KLHL36: variants seen among roughly 807,000 people sequenced by gnomAD.
KLHL36 encodes the protein kelch like family member 36, also known as kelch-like protein 36.
A neutral mutation model predicts 53.3 loss-of-function variants in KLHL36; 35 were observed. The observed-to-expected ratio is 0.66, with a 90% CI of 0.50 to 0.87. The LOEUF is 0.87. Ranked by LOEUF, KLHL36 falls within the 40% of genes least tolerant of loss-of-function variation. The pLI is 0.00. For synonymous variants in KLHL36, 472 were observed against 398.9 expected (o/e 1.18, Z -2.18); for missense variants, 864 against 897.6 (o/e 0.96, Z 0.48).
At chr16:84,658,808 A>C (rs1408648826) in intron 3 of KLHL36, 1 of 151,748 alleles carries the variant, frequency 6.6e-6, no homozygotes, top group African/African-American at 2.4e-5. Flanking sequence ...TCAGCTCAAA[A>C]CCCAGTCAGA....
chr16:84,654,697 G>A (rs368824908), intron 2 of KLHL36, among the ~76,000 whole-genome samples: 20 of 152,200 alleles, frequency 1.3e-4, no homozygotes, highest in African/African-American at 4.8e-4. Context: ...TGCAACCTCC[G>A]CCTCCGGAGT....
At position 84,661,266 on chromosome 16, in the gene KLHL36, T is replaced by C. The variant is rs999975578; in HGVS notation, c.1296-312T>C. Among the ~76,000 whole-genome samples, 2 of 152,222 alleles carry C rather than the reference T, an allele frequency of 1.3e-5. No individual in the cohort carries two copies. Among genetic ancestry groups the C allele is most frequent in the Non-Finnish European group, 2.9e-5 (2 of 68,046 alleles). On this transcript the variant is annotated intron_variant, in intron 4 of 4. Transcript: ENST00000564996. This position sits in a 1 kb window ranked among gnomAD's most constrained non-coding sequence, Gnocchi z 7.9. ...CTGCTAGCTCATTGTTCTAGTCGTTTCCAGCCATTGTGAAAAGGGTGATGG... is the reference window on the plus strand; with the variant it reads ...CTGCTAGCTCATTGTTCTAGTCGTTCCCAGCCATTGTGAAAAGGGTGATGG...
In KLHL36 at chr16:84,657,855, G is replaced by A. The variant is rs763314913; in HGVS notation, c.1048G>A (p.Ala350Thr). The A allele has an allele frequency of 2.8e-5, 44 of 1,592,064 alleles. No homozygotes were observed. Among genetic ancestry groups the A allele is most frequent in the Non-Finnish European group, 3.5e-5 (41 of 1,166,626 alleles). The stretch of plus-strand genomic sequence containing the variant: ...GGTGCTGGGGGGCTTCATCTTCATC[G>A]CCGGCGGCAGCTTCTCACGGGACAA... The part of the protein sequence containing the change: ...VAVLGGFIFI[A>T]GGSFSRDNGG... Residue 350 changes from alanine (A) to threonine (T), a missense_variant, in exon 3 of 5, where the codon GCC (alanine) becomes ACC (threonine). Coordinates refer to ENST00000564996, the MANE Select transcript of KLHL36 (RefSeq NM_024731.4).
At position 84,658,125 on chromosome 16, in the gene KLHL36, C is replaced by T. The variant is rs79151254; in HGVS notation, c.1137+181C>T. The T allele has an allele frequency of 3.4e-3, 1,796 of 523,946 alleles. 8 individuals are homozygous for T. Among genetic ancestry groups the T allele is most frequent in the Non-Finnish European group, 5.5e-3 (1,656 of 303,262 alleles). 32.5% of individuals were successfully genotyped at this position (523,946 alleles called of 1,614,324 possible). A position where few individuals can be genotyped will look rare whatever the true frequency, so the allele number is the denominator to read the frequency against. ...ACATCCTGGACAGGGAGAGGGAGAG[C>T]CGACCCACCCCTTCGAGGGGTCCGT... is the stretch of plus-strand genomic sequence containing the variant. On this transcript the variant is annotated intron_variant, in intron 3 of 4. Transcript: ENST00000564996.
chr16:84,656,723 C>A, intron 2 of KLHL36, 148 bp from the exon 3 acceptor site: 1 of 631,848 alleles, frequency 1.6e-6, no homozygotes, highest in Non-Finnish European at 2.8e-6. Context: ...TCAGAAACAC[C>A]TGTACTTCCT....
intron 2 of KLHL36, among the ~76,000 whole-genome samples, chr16:84,654,801 G>C (rs1020378503): frequency 6.6e-6 from 1 of 152,068 alleles, no homozygotes; most frequent in Admixed American, 6.5e-5. Context: ...CTAGAGACGG[G>C]GTTTCACCAT....
In KLHL36 at chr16:84,661,776, C is replaced by T. The variant is rs775199720; in HGVS notation, c.1494C>T (p.Ile498=). 9 of 1,612,928 alleles carry T rather than the reference C, an allele frequency of 5.6e-6. No individual in the cohort carries two copies. Among genetic ancestry groups the T allele is most frequent in the African/African-American group, 1.3e-5 (1 of 75,014 alleles). Residue 498 remains isoleucine (I), a synonymous_variant, in exon 5 of 5, where the codon ATC becomes ATT. Coordinates refer to ENST00000564996, the MANE Select transcript of KLHL36 (RefSeq NM_024731.4). The surrounding 1 kb of genome is among the most constrained non-coding windows in gnomAD (Gnocchi z 7.9). ...GCCTGGGTGACAGCATCTACTCCAT[C>T]GGGGGCAGCGATGACAACATCGAGT... ...MCSLGDSIYS[I]GGSDDNIESM... is the part of the protein sequence containing the mutation.
At position 84,657,079 on chromosome 16, in the gene KLHL36, G is replaced by T; in HGVS notation, c.272G>T (p.Gly91Val). 6.2e-7 allele frequency: 1 copy of T among 1,614,198 alleles called. No homozygotes were observed. The highest frequency in any genetic ancestry group is 8.5e-7 in the Non-Finnish European group (1 of 1,180,036). The change falls in exon 3 of 5, where the codon GGC becomes GTC. Residue 91 changes from glycine (G) to valine (V), a missense_variant. Physicochemically the swap from Gly to Val is moderately radical, Grantham distance 109. Transcript: ENST00000564996. ...TTCCAGAAGGAGGTGGAGCTGATCG[G>T]CGCCTCCTACATTGGGCTCAAGGCC... ...EAFQKEVELI[G>V]ASYIGLKAVV...
chr16:84,649,806 T>G (rs1343045990), intron 1 of KLHL36, among the ~76,000 whole-genome samples: 1 of 152,208 alleles, frequency 6.6e-6, no homozygotes, highest in Non-Finnish European at 1.5e-5. Flanking sequence ...GTGAAGACTA[T>G]TTGTTCAATA....
chr16:84,661,624 A>G lies in KLHL36; in HGVS notation c.1342A>G (p.Ile448Val). 6.2e-7 allele frequency: 1 copy of G among 1,610,334 alleles called. No homozygotes were observed. Among genetic ancestry groups the G allele is most frequent in the Admixed American group, 1.7e-5 (1 of 59,484 alleles). ...CACCATCTACAAAGACTTCGTGTAC[A>G]TCTCGGGGGGCCACGACTACCAAAT... ...AGTIYKDFVY[I>V]SGGHDYQIGP... Residue 448 changes from isoleucine to valine, a missense_variant, in exon 5 of 5, where the codon ATC (isoleucine) becomes GTC (valine). Physicochemically the swap from Ile to Val is conservative, Grantham distance 29. Coordinates refer to ENST00000564996, the MANE Select transcript of KLHL36 (RefSeq NM_024731.4). This position sits in a 1 kb window ranked among gnomAD's most constrained non-coding sequence, Gnocchi z 7.9.
intron 1 of KLHL36, chr16:84,649,308 A>G (rs1402846932): frequency 6.6e-6 from 1 of 152,232 alleles, no homozygotes; most frequent in Non-Finnish European, 1.5e-5. Context: ...GGCCCCGCGA[A>G]CTCTCTCTAG....
At position 84,661,841 on chromosome 16, in the gene KLHL36, G is replaced by T. The variant is rs1169032813; in HGVS notation, c.1559G>T (p.Ser520Ile). 6 of 1,605,064 alleles carry T rather than the reference G, an allele frequency of 3.7e-6. No individual in the cohort carries two copies. Among genetic ancestry groups the T allele is most frequent in the Non-Finnish European group, 5.1e-6 (6 of 1,173,218 alleles). The change falls in exon 5 of 5, where the codon AGC (serine) becomes ATC (isoleucine). Residue 520 changes from serine to isoleucine, a missense_variant. Physicochemically the swap from Ser to Ile is moderately radical, Grantham distance 142. Transcript: ENST00000564996. This position sits in a 1 kb window ranked among gnomAD's most constrained non-coding sequence, Gnocchi z 7.9. Reference sequence around the variant, plus strand: ...GACGTGCTGGGCGTGGAGGCCTACAGCCCGCAGTGCAACCAGTGGACCCGC... The same window carrying T: ...GACGTGCTGGGCGTGGAGGCCTACATCCCGCAGTGCAACCAGTGGACCCGC... ...RFDVLGVEAY[S>I]PQCNQWTRVA... is the part of the protein sequence containing the mutation.
At chr16:84,653,615 G>A (rs1907030480) in intron 2 of KLHL36, among the ~76,000 whole-genome samples, 1 of 152,022 alleles carries the variant, frequency 6.6e-6, no homozygotes, top group African/African-American at 2.4e-5. Flanking sequence ...TGCCGGGAGT[G>A]GTGGCACCTG....
chr16:84,659,852 G>A lies in KLHL36; in HGVS notation c.1230G>A (p.Ala410=), dbSNP rs777956919. 3.1e-6 allele frequency: 5 copies of A among 1,613,992 alleles called. No homozygotes were observed. The highest frequency in any genetic ancestry group is 2.2e-5 in the East Asian group (1 of 44,886). ...TCGGCGGCCGGAATGAGAACGGAGC[G>A]CTCTCTTCAGTAGAGACGTACAGTC... ...VAIGGRNENG[A]LSSVETYSPK... The change falls in exon 4 of 5, where the codon GCG becomes GCA. Residue 410 remains alanine, a synonymous_variant. Transcript: ENST00000564996.
At position 84,665,286 on chromosome 16, in the gene KLHL36, G is replaced by C. The variant is rs1266251623; in HGVS notation, c.*3153G>C. On this transcript the variant is annotated 3_prime_UTR_variant, in exon 5 of 5. Coordinates refer to ENST00000564996, the MANE Select transcript of KLHL36 (RefSeq NM_024731.4). Reference sequence around the variant, plus strand: ...TAACATTTCAAAATAAGCATGGCAGGCTTCTATTGAGGTTTGGACTTCTCT... The same window carrying C: ...TAACATTTCAAAATAAGCATGGCAGCCTTCTATTGAGGTTTGGACTTCTCT... 1 of 151,804 alleles carries C rather than the reference G, an allele frequency of 6.6e-6. No individual in the cohort carries two copies. The highest frequency in any genetic ancestry group is 1.5e-5 in the Non-Finnish European group (1 of 67,982). The allele number at this position is 151,804 out of a possible 1,614,324, so 9.4% of individuals were successfully genotyped here.
chr16:84,656,876 C>A lies in KLHL36; in HGVS notation c.69C>A (p.Tyr23Ter). ...PYKISESSKV[Y>*]RWADHSSTVL... ...AATGTGTCTTCTCTGTCCAGGTATA[C>A]CGCTGGGCCGACCACTCAAGCACGG... The change falls in exon 3 of 5, where the codon TAC becomes TAA. Residue 23 changes from tyrosine (Y) to a stop codon, truncating the protein, a stop_gained. Coordinates refer to ENST00000564996, the MANE Select transcript of KLHL36 (RefSeq NM_024731.4). LOFTEE classifies it high-confidence loss of function. 6.2e-7 allele frequency: 1 copy of A among 1,606,320 alleles called. No homozygotes were observed. The highest frequency in any genetic ancestry group is 1.1e-5 in the South Asian group (1 of 90,742).
intron 2 of KLHL36, among the ~76,000 whole-genome samples, chr16:84,655,839 G>T (rs534927351): frequency 6.6e-6 from 1 of 152,130 alleles, no homozygotes; most frequent in South Asian, 2.1e-4. Flanking sequence ...CCCTGGAATA[G>T]ACCAGCTATC....
At chr16:84,656,759 A>G (rs1597218072) in intron 2 of KLHL36, 112 bp from the exon 3 acceptor site, 2 of 749,970 alleles carry the variant, frequency 2.7e-6, no homozygotes, top group East Asian at 4.9e-5. Flanking sequence ...GCAGCATTTT[A>G]TTTCCTGTTT....
chr16:84,658,227 G>C (rs1308308044), intron 3 of KLHL36: 2 of 309,142 alleles, frequency 6.5e-6, no homozygotes, highest in African/African-American at 4.3e-5. Context: ...CGATACGGTA[G>C]CCACAGCCGC....
Sources: allele counts gnomAD v4.1 joint callset (sites outside exome capture counted in the v4.1 genomes callset), GRCh38; gene constraint gnomAD v4.1.1; non-coding constraint Gnocchi (gnomAD v3.1); transcripts MANE v1.5; gene names NCBI Gene and HGNC (gene_info 2026-07-23, HGNC 2026-07-21).